NRG1: variants seen among roughly 807,000 people sequenced by gnomAD.
NRG1 encodes pro-neuregulin-1, membrane-bound isoform.
NRG1 carries 18 observed loss-of-function variants against 63.8 expected under a neutral mutation model. The ratio of observed to expected loss-of-function variants is 0.28; its 90% CI spans 0.19 to 0.42. NRG1 has a LOEUF of 0.42. Among genes scored for constraint, NRG1 ranks in the 10% least tolerant of loss-of-function variants. The probability of loss-of-function intolerance (pLI) is 1.00; values close to 1 mark genes in which losing one functional copy is unlikely to be tolerated. For synonymous variants in NRG1, 302 were observed against 301.3 expected, an observed-to-expected ratio of 1.00 and a Z score of -0.02; for missense variants, 762 against 814.7, an observed-to-expected ratio of 0.94 and a Z score of 0.79.
chr8:32,675,114 T>C (rs1054086766), intron 5 of NRG1, among the ~76,000 whole-genome samples: 1 of 152,198 alleles, frequency 6.6e-6, no homozygotes, highest in African/African-American at 2.4e-5. Context: ...TACAAATTCA[T>C]GGTGTTATTC....
intron 1 of NRG1, among the ~76,000 whole-genome samples, chr8:31,729,162 A>G (rs1813756712): frequency 6.6e-6 from 1 of 152,218 alleles, no homozygotes; most frequent in Admixed American, 6.5e-5. Context: ...GGTGAAGGTC[A>G]GGAATAATAT....
intron 1 of NRG1, among the ~76,000 whole-genome samples, chr8:31,993,131 G>A (rs1462076995): frequency 6.6e-6 from 1 of 151,986 alleles, no homozygotes. Context: ...TAGTTACAAA[G>A]TCTGTGGGGT....
At chr8:31,770,576 T>C (rs1005477571) in intron 1 of NRG1, among the ~76,000 whole-genome samples, 1 of 150,696 alleles carries the variant, frequency 6.6e-6, no homozygotes, top group Admixed American at 6.6e-5. Context: ...ATGAGAACAC[T>C]TGGACACAGG....
intron 1 of NRG1, among the ~76,000 whole-genome samples, chr8:32,132,758 A>G (rs1835004269): frequency 1.3e-5 from 2 of 152,114 alleles, no homozygotes; most frequent in South Asian, 2.1e-4. Flanking sequence ...GTTTAAATCT[A>G]TGCACCAGTG....
At chr8:31,982,689 C>T (rs1373423331) in intron 1 of NRG1, among the ~76,000 whole-genome samples, 1 of 152,036 alleles carries the variant, frequency 6.6e-6, no homozygotes, top group Non-Finnish European at 1.5e-5. Flanking sequence ...AGCAGGGAAT[C>T]ACAGTCAGAT....
intron 1 of NRG1, among the ~76,000 whole-genome samples, chr8:32,333,298 C>A (rs1462982203): frequency 6.6e-6 from 1 of 152,146 alleles, no homozygotes; most frequent in East Asian, 1.9e-4. Context: ...TGTCACCTGG[C>A]AAAGCCCTAA....
intron 5 of NRG1, among the ~76,000 whole-genome samples, chr8:32,657,508 G>C (rs1357692642): frequency 1.3e-5 from 2 of 152,166 alleles, no homozygotes; most frequent in Non-Finnish European, 2.9e-5. Context: ...TAGTGGGAGA[G>C]AGTGAATGAG....
chr8:31,919,779 G>A (rs1358181338), intron 1 of NRG1, among the ~76,000 whole-genome samples: 1 of 152,036 alleles, frequency 6.6e-6, no homozygotes, highest in East Asian at 1.9e-4. Context: ...TTATAATTTA[G>A]TAGAAGAAAG....
chr8:31,813,520 T>TC (rs1554540779), intron 1 of NRG1, among the ~76,000 whole-genome samples: 12,657 of 115,868 alleles, frequency 0.11, 543 homozygotes, highest in Admixed American at 0.17. Context: ...TCTTTTCTTT[T>TC]TTTTTTTTTT....
At chr8:32,260,813 C>T (rs558046954) in intron 1 of NRG1, among the ~76,000 whole-genome samples, 1 of 152,222 alleles carries the variant, frequency 6.6e-6, no homozygotes, top group East Asian at 1.9e-4. Context: ...GTGGGCTGGG[C>T]TATGGCAGAC....
chr8:31,737,905 G>A (rs1221741372), intron 1 of NRG1, among the ~76,000 whole-genome samples: 3 of 152,018 alleles, frequency 2.0e-5, no homozygotes, highest in Non-Finnish European at 4.4e-5. Flanking sequence ...GAGTCATCTA[G>A]TAAAGAATTC....
chr8:32,696,748 G>A (rs950886248), intron 5 of NRG1, among the ~76,000 whole-genome samples: 3 of 136,618 alleles, frequency 2.2e-5, no homozygotes, highest in East Asian at 2.4e-4. Flanking sequence ...TACAACCTCC[G>A]CCTCCCAGGC....
intron 1 of NRG1, among the ~76,000 whole-genome samples, chr8:31,949,481 G>T (rs1180946665): frequency 6.6e-6 from 1 of 152,172 alleles, no homozygotes; most frequent in Admixed American, 6.5e-5. Context: ...GTCCAATACA[G>T]TATTTTTGTT....
At chr8:32,122,431 A>G (rs988556732) in intron 1 of NRG1, among the ~76,000 whole-genome samples, 1 of 151,974 alleles carries the variant, frequency 6.6e-6, no homozygotes, top group African/African-American at 2.4e-5. Context: ...TCATGACTAT[A>G]TAGTCTCCCC....
intron 1 of NRG1, among the ~76,000 whole-genome samples, chr8:32,484,331 G>T (rs982561331): frequency 2.0e-5 from 3 of 152,126 alleles, no homozygotes; most frequent in African/African-American, 7.2e-5. Flanking sequence ...ACAATGACAA[G>T]ATACATTTTG....
intron 7 of NRG1, among the ~76,000 whole-genome samples, chr8:32,751,789 C>T (rs1658913729): frequency 6.6e-6 from 1 of 152,140 alleles, no homozygotes; most frequent in Admixed American, 6.5e-5. Flanking sequence ...AAATGTGTGT[C>T]TTCCTACACT....
At chr8:32,417,328 G>A (rs1445458301) in intron 1 of NRG1, among the ~76,000 whole-genome samples, 3 of 152,134 alleles carry the variant, frequency 2.0e-5, no homozygotes, top group Admixed American at 6.6e-5. Flanking sequence ...GTAATTGTCA[G>A]TGGAATTTTG....
chr8:31,842,805 A>T (rs559508221), intron 1 of NRG1, among the ~76,000 whole-genome samples: 2 of 152,298 alleles, frequency 1.3e-5, no homozygotes, highest in African/African-American at 4.8e-5. Context: ...AGAAGACAAA[A>T]TGTATGGGTA....
At chr8:31,929,602 G>A (rs1231659502) in intron 1 of NRG1, among the ~76,000 whole-genome samples, 1 of 151,952 alleles carries the variant, frequency 6.6e-6, no homozygotes, top group East Asian at 1.9e-4. Flanking sequence ...TTATTTGACT[G>A]TTTTCTTATT....
Sources: allele counts gnomAD v4.1 joint callset (sites outside exome capture counted in the v4.1 genomes callset), GRCh38; gene constraint gnomAD v4.1.1; transcripts MANE v1.5; gene names NCBI Gene and HGNC (gene_info 2026-07-23, HGNC 2026-07-21).